The following DSG4 variants were observed in gnomAD, a reference collection of about 807,000 sequenced individuals.
DSG4 encodes the protein desmoglein 4.
In DSG4, 87 loss-of-function variants were observed where a neutral mutation model predicts 93.1. That is an observed-to-expected ratio of 0.93 (90% CI 0.79 to 1.12). The LOEUF (loss-of-function observed/expected upper bound fraction) is 1.12. Ranked by LOEUF, DSG4 falls within the 50% of genes most tolerant of loss-of-function variation. The probability of loss-of-function intolerance (pLI) is 0.00; values close to 1 mark genes in which losing one functional copy is unlikely to be tolerated. For missense variants in DSG4, 1,373 were observed against 1,285.7 expected (o/e 1.07, Z -1.04); for synonymous variants, 432 against 452.9 (o/e 0.95, Z 0.59).
chr18:31,379,752 T>G (rs1449126250), intron 1 of DSG4, among the ~76,000 whole-genome samples: 1 of 152,220 alleles, frequency 6.6e-6, no homozygotes, highest in Non-Finnish European at 1.5e-5. Context: ...ACTTATCAAT[T>G]TAGTTCTCAC....
At chr18:31,402,629 C>G (rs1474345264) in intron 10 of DSG4, among the ~76,000 whole-genome samples, 1 of 152,000 alleles carries the variant, frequency 6.6e-6, no homozygotes, top group East Asian at 1.9e-4. Flanking sequence ...AGAAAAGGAC[C>G]TAGTAAGGTA....
chr18:31,412,757 G>A (rs936637861), intron 15 of DSG4, 71 bp from the exon 16 acceptor site: 2 of 1,521,312 alleles, frequency 1.3e-6, no homozygotes, highest in African/African-American at 2.8e-5. Context: ...GTCTCTCTGA[G>A]GGATTGCTGT....
chr18:31,411,158 G>A, intron 14 of DSG4, 73 bp from the exon 15 acceptor site: 1 of 1,614,084 alleles, frequency 6.2e-7, no homozygotes, highest in Non-Finnish European at 8.5e-7. Flanking sequence ...CGCAGACGGC[G>A]GCGGCAGCGT....
At chr18:31,402,620 G>A (rs555340052) in intron 10 of DSG4, among the ~76,000 whole-genome samples, 1 of 152,096 alleles carries the variant, frequency 6.6e-6, no homozygotes, top group African/African-American at 2.4e-5. Flanking sequence ...TGCTTTCTCA[G>A]AAAAGGACCT....
intron 8 of DSG4, among the ~76,000 whole-genome samples, chr18:31,396,072 T>C (rs2072301801): frequency 6.6e-6 from 1 of 152,140 alleles, no homozygotes; most frequent in Non-Finnish European, 1.5e-5. Context: ...TAACAGCCTC[T>C]CCTTGGTATT....
chr18:31,399,208 CT>C, intron 8 of DSG4, 63 bp from the exon 9 acceptor site: 1 of 1,603,198 alleles, frequency 6.2e-7, no homozygotes. Context: ...TTTACCATGG[CT>C]TCTTACTTTA....
Position 31,392,322 on chromosome 18 carries a change from C to G in DSG4, c.987C>G (p.Gly329=). The G allele has an allele frequency of 6.2e-7, 1 of 1,613,564 alleles. No individual in the cohort carries two copies. Among genetic ancestry groups the G allele is most frequent in the Non-Finnish European group, 8.5e-7 (1 of 1,179,764 alleles). The part of the protein sequence containing the change: ...DIQTDPQTNE[G]ILKVVKMLDY... ...AAACAGATCCACAAACCAATGAAGG[C>G]ATTTTGAAAGTTGTCAAGGTACAGT... Residue 329 remains glycine (G), a synonymous_variant, in exon 8 of 16, where the codon GGC becomes GGG. Transcript: ENST00000308128.
At chr18:31,411,848 A>C (rs915931622) in intron 15 of DSG4, among the ~76,000 whole-genome samples, 1 of 152,164 alleles carries the variant, frequency 6.6e-6, no homozygotes, top group African/African-American at 2.4e-5. Context: ...AGCCTCCAAC[A>C]GAAAAGAGAA....
chr18:31,391,248 T>A, intron 7 of DSG4, 36 bp downstream of exon 7: 1 of 1,612,402 alleles, frequency 6.2e-7, no homozygotes, highest in East Asian at 2.2e-5. Flanking sequence ...TTTCCATAAG[T>A]GTCAATAATC....
Position 31,386,737 on chromosome 18 carries a change from G to A in DSG4, c.134G>A (p.Arg45Lys). 2 of 1,613,474 alleles carry A rather than the reference G, an allele frequency of 1.2e-6. No homozygotes were observed. The highest frequency in any genetic ancestry group is 1.7e-6 in the Non-Finnish European group (2 of 1,179,510). ...ENGTTKWQTV[R>K]RQKREWIKFA... ...GGCACTACAAAATGGCAAACAGTCA[G>A]AAGACAAAAGCGGGAGTGGATCAAG... Residue 45 changes from arginine to lysine, a missense_variant, in exon 3 of 16, where the codon AGA becomes AAA. Coordinates refer to ENST00000308128, the MANE Select transcript of DSG4 (RefSeq NM_177986.5).
chr18:31,403,698 T>A, intron 11 of DSG4, 64 bp downstream of exon 11: 1 of 1,471,890 alleles, frequency 6.8e-7, no homozygotes, highest in Non-Finnish European at 9.5e-7. Context: ...TACCAAAAAA[T>A]GTGGCAAGTC....
At chr18:31,410,798 T>C (rs537417952) in intron 14 of DSG4, among the ~76,000 whole-genome samples, 1 of 152,302 alleles carries the variant, frequency 6.6e-6, no homozygotes, top group Non-Finnish European at 1.5e-5. Flanking sequence ...ACTCCGTGAC[T>C]GAACATCCCT....
In DSG4 at chr18:31,403,625, T is replaced by C. The variant is rs751815770; in HGVS notation, c.1627T>C (p.Ser543Pro). 6.2e-7 allele frequency: 1 copy of C among 1,613,866 alleles called. No individual in the cohort carries two copies. Among genetic ancestry groups the C allele is most frequent in the African/African-American group, 1.3e-5 (1 of 74,888 alleles). Residue 543 changes from serine to proline, a missense_variant, in exon 11 of 16, where the codon TCA becomes CCA. Transcript: ENST00000308128. ...AATAGCTGACATGTGGGATGTCAGATCAACAAATGGTAAGTGAAACGTAAG... is the reference window on the plus strand; with the variant it reads ...AATAGCTGACATGTGGGATGTCAGACCAACAAATGGTAAGTGAAACGTAAG... ...PGIADMWDVRSTNATSAILTA... is the reference protein window; with the variant it reads ...PGIADMWDVRPTNATSAILTA...
At position 31,411,287 on chromosome 18, in the gene DSG4, G is replaced by C; in HGVS notation, c.2194G>C (p.Val732Leu). 1 of 1,613,158 alleles carries C rather than the reference G, an allele frequency of 6.2e-7. No homozygotes were observed. Among genetic ancestry groups the C allele is most frequent in the Non-Finnish European group, 8.5e-7 (1 of 1,180,016 alleles). The change falls in exon 15 of 16, where the codon GTG (valine) becomes CTG (leucine). Residue 732 changes from valine to leucine, a missense_variant. Transcript: ENST00000308128. ...GGTVEGGVSG[V>L]ELNTGMGTAV... ...CACGGTGGAAGGAGGTGTATCGGGAGTGGAGCTCAACACAGGTATGGGGAC... is the reference window on the plus strand; with the variant it reads ...CACGGTGGAAGGAGGTGTATCGGGACTGGAGCTCAACACAGGTATGGGGAC...
chr18:31,377,699 C>A (rs549195826), intron 1 of DSG4, among the ~76,000 whole-genome samples: 2 of 152,242 alleles, frequency 1.3e-5, no homozygotes, highest in South Asian at 4.1e-4. Flanking sequence ...GAGATAATTC[C>A]AACTCCAAAG....
chr18:31,388,418 G>A lies in DSG4; in HGVS notation c.268G>A (p.Val90Ile), dbSNP rs765906278. 5.0e-6 allele frequency: 8 copies of A among 1,613,438 alleles called. No individual in the cohort carries two copies. The highest frequency in any genetic ancestry group is 5.9e-6 in the Non-Finnish European group (7 of 1,179,628). ...GAAGATAACATACCGGATTTCTGGA[G>A]TAGGGATTGATCGACCACCATATGG... The part of the protein sequence containing the change: ...NQKITYRISG[V>I]GIDRPPYGVF... The change falls in exon 4 of 16, where the codon GTA becomes ATA. Residue 90 changes from valine to isoleucine, a missense_variant. Transcript: ENST00000308128.
chr18:31,409,874 C>T lies in DSG4; in HGVS notation c.2137+66C>T, dbSNP rs146752582. ...CAAAATTATTCAACCAGACCAACTTCATGTAAAAGTACCTTATGGAAAAGT... is the reference window on the plus strand; with the variant it reads ...CAAAATTATTCAACCAGACCAACTTTATGTAAAAGTACCTTATGGAAAAGT... On this transcript the variant is annotated intron_variant, in intron 14 of 15. Transcript: ENST00000308128. 4.3e-5 allele frequency: 66 copies of T among 1,538,364 alleles called. No individual in the cohort carries two copies. The African/African-American group carries it at 8.5e-4, about 20-fold the overall frequency.
Position 31,388,907 on chromosome 18 carries a change from G to A in DSG4, c.406G>A (p.Asp136Asn). ...YCRALNSRGE[D>N]LERPLELRVK... is the part of the protein sequence containing the mutation. ...CCGGGCTCTGAATTCACGGGGTGAA[G>A]ATTTAGAAAGGCCTCTTGAGCTTAG... Residue 136 changes from aspartate to asparagine, a missense_variant, in exon 5 of 16, where the codon GAT (aspartate) becomes AAT (asparagine). Physicochemically the swap from Asp to Asn is conservative, Grantham distance 23. Transcript: ENST00000308128. 6.2e-7 allele frequency: 1 copy of A among 1,613,618 alleles called. No homozygotes were observed. Among genetic ancestry groups the A allele is most frequent in the Non-Finnish European group, 8.5e-7 (1 of 1,179,664 alleles).
chr18:31,389,365 A>G (rs2072224592), intron 5 of DSG4, among the ~76,000 whole-genome samples: 1 of 152,174 alleles, frequency 6.6e-6, no homozygotes, highest in Non-Finnish European at 1.5e-5. Context: ...TCTCTTACTC[A>G]AAATGTTTGG....
Sources: allele counts gnomAD v4.1 joint callset (sites outside exome capture counted in the v4.1 genomes callset), GRCh38; gene constraint gnomAD v4.1.1; transcripts MANE v1.5; gene names NCBI Gene and HGNC (gene_info 2026-07-23, HGNC 2026-07-21).